The following NLRP8 variants were observed in gnomAD, a reference collection of about 807,000 sequenced individuals.
The protein encoded by NLRP8 is NACHT, LRR and PYD domains-containing protein 8.
In NLRP8, 86 loss-of-function variants were observed where a neutral mutation model predicts 88.7. That is an observed-to-expected ratio of 0.97 (90% CI 0.81 to 1.16). The LOEUF (loss-of-function observed/expected upper bound fraction) is 1.16, where lower values mean the gene tolerates loss of function less well. Ranked by LOEUF, NLRP8 falls within the 50% of genes most tolerant of loss-of-function variation. The pLI, the probability that NLRP8 is intolerant of heterozygous loss-of-function variation, is 0.00. For missense variants in NLRP8, 1,342 were observed against 1,286.5 expected (o/e 1.04, Z -0.66); for synonymous variants, 504 against 494.6 (o/e 1.02, Z -0.25).
At position 55,964,928 on chromosome 19, in the gene NLRP8, A is replaced by G. The variant is rs145222494; in HGVS notation, c.2214-1285A>G. The stretch of plus-strand genomic sequence containing the variant: ...TTTTTAAACAACTAATTAGAAAGAA[A>G]GAGATTCAGCAGTGAACATAAGCAT... On this transcript the variant is annotated intron_variant, in intron 4 of 9. Transcript: ENST00000291971. Among the ~76,000 whole-genome samples the G allele has an allele frequency of 3.7e-3, 560 of 152,266 alleles. 4 individuals carry two copies. The highest frequency in any genetic ancestry group is 0.013 in the African/African-American group (540 of 41,556).
In NLRP8 at chr19:55,954,672, C is replaced by T. The variant is rs202231168; in HGVS notation, c.614C>T (p.Thr205Ile). ...AGACCCCAGGGTAGACAGCCCAAGA[C>T]CGTGGCCATACAGGGAGCTCCTGGG... The change falls in exon 3 of 10, where the codon ACC becomes ATC. Residue 205 changes from threonine (T) to isoleucine (I), a missense_variant. Coordinates refer to ENST00000291971, the MANE Select transcript of NLRP8 (RefSeq NM_176811.2). The T allele has an allele frequency of 6.2e-7, 1 of 1,614,172 alleles. No homozygotes were observed. Among genetic ancestry groups the T allele is most frequent in the Non-Finnish European group, 8.5e-7 (1 of 1,180,046 alleles).
chr19:55,983,549 T>G (rs1456649845), intron 9 of NLRP8, among the ~76,000 whole-genome samples: 1 of 150,466 alleles, frequency 6.6e-6, no homozygotes, highest in Admixed American at 6.6e-5. Flanking sequence ...AACCAGTAGA[T>G]GGAGACTCGA....
intron 6 of NLRP8, among the ~76,000 whole-genome samples, chr19:55,971,648 C>T (rs953043261): frequency 4.7e-5 from 6 of 128,716 alleles, no homozygotes; most frequent in African/African-American, 2.1e-4. Context: ...GTTGGCTACA[C>T]ACAGACACAC....
chr19:55,966,166 G>C, intron 4 of NLRP8, 47 bp from the exon 5 acceptor site: 4 of 1,577,410 alleles, frequency 2.5e-6, no homozygotes, highest in Non-Finnish European at 3.5e-6. Flanking sequence ...AGAATTCTAC[G>C]ACTGTGGACG....
At chr19:55,973,870 G>A (rs986444571) in intron 7 of NLRP8, 48 bp downstream of exon 7, 2 of 1,545,378 alleles carry the variant, frequency 1.3e-6, no homozygotes, top group Non-Finnish European at 1.8e-6. Flanking sequence ...AGCAGAACAG[G>A]GTGATGAAGA....
intron 8 of NLRP8, among the ~76,000 whole-genome samples, chr19:55,977,704 C>T (rs934705578): frequency 2.6e-5 from 4 of 151,588 alleles, no homozygotes; most frequent in Middle Eastern, 6.9e-3. Context: ...GACTTGTAAA[C>T]ATCTCCTCTC....
intron 4 of NLRP8, among the ~76,000 whole-genome samples, chr19:55,963,555 T>C (rs982577408): frequency 4.0e-5 from 6 of 151,852 alleles, no homozygotes; most frequent in African/African-American, 1.5e-4. Context: ...GAAACACTAC[T>C]TCATTTTTTT....
At chr19:55,956,653 T>G (rs1979369623) in intron 3 of NLRP8, among the ~76,000 whole-genome samples, 2 of 152,116 alleles carry the variant, frequency 1.3e-5, no homozygotes, top group African/African-American at 4.8e-5. Context: ...GGACTTTGTT[T>G]TACTGCCAGG....
rs1489889110 is a variant in NLRP8 at position 55,981,970 on chromosome 19, C to T, written c.3047+2406C>T. On this transcript the variant is annotated intron_variant, in intron 9 of 9. Coordinates refer to ENST00000291971, the MANE Select transcript of NLRP8 (RefSeq NM_176811.2). ...ACACTGGAGTGCAGTGGTGTAATCT[C>T]GGCTCACTGCAACCTCCACCTCCTA... is the stretch of plus-strand genomic sequence containing the variant. 2.6e-5 allele frequency among the ~76,000 whole-genome samples: 4 copies of T among 151,440 alleles called. No individual in the cohort carries two copies. In the South Asian group the frequency reaches 6.3e-4, roughly 24 times the overall value.
Position 55,957,671 on chromosome 19 carries a change from AAT to A in NLRP8, c.2042+1572_2042+1573del, listed in dbSNP as rs1338429641. On this transcript the variant is annotated intron_variant, in intron 3 of 9. Transcript: ENST00000291971. ...ACTATCTTAAAAAAGAAAAAATAAT[AAT>A]TATATATATATATATATATATATAT... Among the ~76,000 whole-genome samples the A allele has an allele frequency of 7.2e-5, 4 of 55,374 alleles. 1 individual carries two copies. The highest frequency in any genetic ancestry group is 3.6e-4 in the African/African-American group (4 of 11,212). The allele number at this position is 55,374 out of a possible 152,430, so 36.3% of individuals were successfully genotyped here.
intron 5 of NLRP8, 23 bp downstream of exon 5, chr19:55,966,403 G>C (rs977646422): frequency 1.9e-6 from 3 of 1,610,736 alleles, no homozygotes; most frequent in Admixed American, 3.3e-5. Flanking sequence ...AGGGGGGTTA[G>C]AGTGGGAACC....
chr19:55,987,897 C>A lies in NLRP8; in HGVS notation c.3131C>A (p.Ser1044Tyr). ...TTCACGGGAAAAAGTGACTGCCTAT[C>A]CCAGATTAATCCTTAGGCCGTCCAG... The change falls in exon 10 of 10, where the codon TCC becomes TAC. Residue 1044 changes from serine (S) to tyrosine (Y), a missense_variant. By Grantham distance (144) the Ser-to-Tyr change is moderately radical (BLOSUM62 -2). Transcript: ENST00000291971. The A allele has an allele frequency of 6.2e-7, 1 of 1,613,282 alleles. No individual in the cohort carries two copies. The highest frequency in any genetic ancestry group is 8.5e-7 in the Non-Finnish European group (1 of 1,179,274).
rs62130167 is a variant in NLRP8 at position 55,972,809 on chromosome 19, A to G, written c.2535-843A>G. ...TTCCATGGTGTGTGTGTGTGTGTGT[A>G]TGTGTGTGTGTGTGTGTGTGTGTGT... On this transcript the variant is annotated intron_variant, in intron 6 of 9. Transcript: ENST00000291971. 6.9e-3 allele frequency among the ~76,000 whole-genome samples: 934 copies of G among 135,090 alleles called. 5 individuals carry two copies. The highest frequency in any genetic ancestry group is 0.025 in the East Asian group (63 of 2,510). 88.6% of individuals were successfully genotyped at this position (135,090 alleles called of 152,430 possible). A position where few individuals can be genotyped will look rare whatever the true frequency, so the allele number is the denominator to read the frequency against.
chr19:55,957,688 T>A (rs1211239738), intron 3 of NLRP8, among the ~76,000 whole-genome samples: 1 of 10,780 alleles, frequency 9.3e-5, no homozygotes, highest in Non-Finnish European at 3.5e-4. Flanking sequence ...TATATATATA[T>A]ATATATATAT....
Position 55,955,028 on chromosome 19 carries a change from A to G in NLRP8, c.970A>G (p.Met324Val). The G allele has an allele frequency of 6.2e-7, 1 of 1,614,128 alleles. No individual in the cohort carries two copies. Among genetic ancestry groups the G allele is most frequent in the Non-Finnish European group, 8.5e-7 (1 of 1,180,026 alleles). ...ACTGAGCAGTTTGCTGAGCAAAACG[A>G]TGCTTCCAGAGGCCACGCTACTGAT... The change falls in exon 3 of 10, where the codon ATG becomes GTG. Residue 324 changes from methionine (M) to valine (V), a missense_variant. Physicochemically the swap from Met to Val is conservative, Grantham distance 21. Coordinates refer to ENST00000291971, the MANE Select transcript of NLRP8 (RefSeq NM_176811.2).
chr19:55,979,512 C>T lies in NLRP8; in HGVS notation c.2995C>T (p.Leu999=). 1 of 1,614,222 alleles carries T rather than the reference C, an allele frequency of 6.2e-7. No homozygotes were observed. Among genetic ancestry groups the T allele is most frequent in the Non-Finnish European group, 8.5e-7 (1 of 1,180,030 alleles). ...GAATGCGATTGGAGTCTATGGTATT[C>T]TGACCTTGTGCGAGGCCTTCTCAAG... The change falls in exon 9 of 10, where the codon CTG becomes TTG. Residue 999 remains leucine (L), a synonymous_variant. Coordinates refer to ENST00000291971, the MANE Select transcript of NLRP8 (RefSeq NM_176811.2).
chr19:55,955,459 G>C lies in NLRP8; in HGVS notation c.1401G>C (p.Trp467Cys). 3 of 1,614,226 alleles carry C rather than the reference G, an allele frequency of 1.9e-6. No homozygotes were observed. Among genetic ancestry groups the C allele is most frequent in the Non-Finnish European group, 1.7e-6 (2 of 1,180,042 alleles). Residue 467 changes from tryptophan to cysteine, a missense_variant, in exon 3 of 10, where the codon TGG becomes TGC. Trp to Cys is a radical substitution (Grantham distance 215). Coordinates refer to ENST00000291971, the MANE Select transcript of NLRP8 (RefSeq NM_176811.2). ...CAGACAGCATGTGGCACAGGAAATG[G>C]GTGTTAGGTAAAGAAGATCTTGAGG...
rs199832026 is a variant in NLRP8 at position 55,973,749 on chromosome 19, G to A, written c.2632G>A (p.Ala878Thr). The A allele has an allele frequency of 3.7e-5, 60 of 1,614,072 alleles. No individual in the cohort carries two copies. In the East Asian group the frequency reaches 1.0e-3, roughly 27 times the overall value. ...GACCCACCTGAGCTTGGCAGAAAAC[G>A]CCTTGAAAGATGAAGGGGCCAAGCA... The change falls in exon 7 of 10, where the codon GCC becomes ACC. Residue 878 changes from alanine (A) to threonine (T), a missense_variant. Transcript: ENST00000291971.
chr19:55,984,912 G>A (rs1980739126), intron 9 of NLRP8, among the ~76,000 whole-genome samples: 1 of 152,190 alleles, frequency 6.6e-6, no homozygotes, highest in Admixed American at 6.5e-5. Context: ...GTCTTTCAAA[G>A]ATGACAATTT....
Sources: gnomAD v4.1 joint callset for allele counts (sites outside exome capture counted in the v4.1 genomes callset) on GRCh38, gnomAD v4.1.1 for gene constraint, MANE v1.5 for transcripts, NCBI Gene and HGNC (gene_info 2026-07-23, HGNC 2026-07-21) for gene names.